AGMO: variants seen among roughly 807,000 people sequenced by gnomAD.
AGMO encodes the protein alkylglycerol monooxygenase, also known as glyceryl-ether monooxygenase.
Under a neutral mutation model 60.2 loss-of-function variants are expected in AGMO, and 75 were observed. The observed-to-expected ratio is 1.25, with a 90% confidence interval of 1.03 to 1.51. The LOEUF (loss-of-function observed/expected upper bound fraction) is 1.51. Ranked by LOEUF, AGMO falls within the 40% of genes most tolerant of loss-of-function variation. The pLI is 0.00. For missense variants in AGMO, 763 were observed against 525.5 expected (o/e 1.45, Z -4.42); for synonymous variants, 261 against 177.1 (o/e 1.47, Z -3.76).
At chr7:15,441,227 T>C (rs1264402407) in intron 3 of AGMO, among the ~76,000 whole-genome samples, 1 of 152,220 alleles carries the variant, frequency 6.6e-6, no homozygotes, top group Non-Finnish European at 1.5e-5. Context: ...ACCAGTCCTG[T>C]ACATAGGAAA....
At chr7:15,328,137 G>A (rs11983362) in intron 12 of AGMO, among the ~76,000 whole-genome samples, 7,088 of 150,910 alleles carry the variant, frequency 0.047, 243 homozygotes, top group African/African-American at 0.09. Flanking sequence ...TCTCACTGTC[G>A]CCCAAGCTGG....
intron 9 of AGMO, among the ~76,000 whole-genome samples, chr7:15,386,946 T>C (rs559809360): frequency 1.3e-5 from 2 of 152,322 alleles, no homozygotes; most frequent in East Asian, 1.9e-4. Context: ...AATATAGTTA[T>C]GGTTTGACCC....
At chr7:15,475,103 A>G (rs1782559478) in intron 3 of AGMO, among the ~76,000 whole-genome samples, 1 of 152,184 alleles carries the variant, frequency 6.6e-6, no homozygotes, top group Non-Finnish European at 1.5e-5. Context: ...GGGAGTGTAA[A>G]TTAGTTCATC....
intron 12 of AGMO, among the ~76,000 whole-genome samples, chr7:15,287,187 T>C (rs1411321850): frequency 6.6e-6 from 1 of 152,188 alleles, no homozygotes; most frequent in Non-Finnish European, 1.5e-5. Flanking sequence ...AATTCATCCA[T>C]GTAATCAAAA....
chr7:15,282,163 A>C (rs1783985125), intron 12 of AGMO, among the ~76,000 whole-genome samples: 1 of 152,152 alleles, frequency 6.6e-6, no homozygotes, highest in South Asian at 2.1e-4. Flanking sequence ...TAATATGACA[A>C]AACAGGATTC....
chr7:15,133,310 C>T, the AGMO span, among the ~76,000 whole-genome samples: 7 of 152,158 alleles, frequency 4.6e-5, no homozygotes, highest in Admixed American at 3.3e-4. Flanking sequence ...CAATATCCAG[C>T]TACTCAGGTA....
At chr7:15,424,437 G>A (rs1781004350) in intron 4 of AGMO, among the ~76,000 whole-genome samples, 1 of 152,166 alleles carries the variant, frequency 6.6e-6, no homozygotes, top group South Asian at 2.1e-4. Flanking sequence ...TGCAACTTTA[G>A]AGAGAACTCA....
chr7:15,388,244 A>C (rs1220624797), intron 8 of AGMO, among the ~76,000 whole-genome samples: 2 of 152,184 alleles, frequency 1.3e-5, no homozygotes, highest in Non-Finnish European at 2.9e-5. Context: ...AGAACCATTT[A>C]TGCCTAGTGT....
At chr7:15,392,066 T>G (rs1784164625) in intron 6 of AGMO, among the ~76,000 whole-genome samples, 1 of 152,016 alleles carries the variant, frequency 6.6e-6, no homozygotes, top group Non-Finnish European at 1.5e-5. Context: ...TATTTTTTAT[T>G]TTTTAATTTA....
At chr7:15,181,143 T>G in the AGMO span, among the ~76,000 whole-genome samples, 2 of 152,158 alleles carry the variant, frequency 1.3e-5, no homozygotes, top group African/African-American at 2.4e-5. Context: ...AATTTCAACA[T>G]GAGTTTTGGA....
intron 3 of AGMO, among the ~76,000 whole-genome samples, chr7:15,524,603 C>T (rs921178197): frequency 3.3e-5 from 5 of 152,122 alleles, no homozygotes; most frequent in Non-Finnish European, 7.3e-5. Context: ...TGGCTCATGC[C>T]TGTAATCCTA....
intron 3 of AGMO, among the ~76,000 whole-genome samples, chr7:15,444,735 A>G (rs1199278422): frequency 1.3e-5 from 2 of 152,166 alleles, no homozygotes; most frequent in African/African-American, 2.4e-5. Context: ...TGGTTGTCCT[A>G]TCACCTACAA....
intron 12 of AGMO, among the ~76,000 whole-genome samples, chr7:15,238,999 G>A (rs1782510429): frequency 6.6e-6 from 1 of 152,052 alleles, no homozygotes; most frequent in African/African-American, 2.4e-5. Context: ...TTACAGATGA[G>A]GAAACAGAAG....
intron 12 of AGMO, among the ~76,000 whole-genome samples, chr7:15,360,371 G>A (rs1185419997): frequency 2.0e-5 from 3 of 152,140 alleles, no homozygotes; most frequent in Middle Eastern, 3.2e-3. Context: ...TCACCTCCCC[G>A]GAAAATGTAG....
intron 12 of AGMO, among the ~76,000 whole-genome samples, chr7:15,207,344 T>C (rs570362511): frequency 1.3e-5 from 2 of 152,224 alleles, no homozygotes; most frequent in Non-Finnish European, 2.9e-5. Context: ...TTGGAAGTTA[T>C]GAATAAAGTG....
intron 3 of AGMO, among the ~76,000 whole-genome samples, chr7:15,536,004 G>A (rs1265315879): frequency 6.6e-6 from 1 of 151,566 alleles, no homozygotes; most frequent in East Asian, 1.9e-4. Context: ...GTTATTCTGG[G>A]AATTAAATAA....
intron 12 of AGMO, among the ~76,000 whole-genome samples, chr7:15,224,758 C>T (rs914534348): frequency 2.6e-5 from 4 of 151,928 alleles, no homozygotes; most frequent in African/African-American, 9.6e-5. Flanking sequence ...AGAGCTGTCC[C>T]AAGGAAATAT....
chr7:15,158,317 G>A, the AGMO span, among the ~76,000 whole-genome samples: 2 of 152,110 alleles, frequency 1.3e-5, no homozygotes, highest in South Asian at 2.1e-4. Flanking sequence ...TATAGGACAC[G>A]GGTGTTTCAG....
chr7:15,215,013 A>G (rs573670095), intron 12 of AGMO, among the ~76,000 whole-genome samples: 2 of 152,156 alleles, frequency 1.3e-5, no homozygotes, highest in African/African-American at 4.8e-5. Context: ...CAAACTTTCA[A>G]ATGAATGAGT....
Sources: allele counts gnomAD v4.1 joint callset (sites outside exome capture counted in the v4.1 genomes callset), GRCh38; gene constraint gnomAD v4.1.1; transcripts MANE v1.5; gene names NCBI Gene and HGNC (gene_info 2026-07-23, HGNC 2026-07-21).